The following PTPRD variants were observed in gnomAD, a reference collection of about 807,000 sequenced individuals.
PTPRD encodes the protein protein tyrosine phosphatase receptor type D, also known as receptor-type tyrosine-protein phosphatase delta.
A neutral mutation model predicts 214.5 loss-of-function variants in PTPRD; 34 were observed. The observed-to-expected ratio is 0.16, with a 90% CI of 0.12 to 0.21. The LOEUF (loss-of-function observed/expected upper bound fraction) is 0.21. Among genes scored for constraint, PTPRD ranks in the 10% least tolerant of loss-of-function variants. The pLI is 1.00. For synonymous variants in PTPRD, 1,128 were observed against 845.7 expected (o/e 1.33, Z -5.79); for missense variants, 2,545 against 2,398.7 (o/e 1.06, Z -1.27).
At chr9:8,350,786 TG>T (rs2075237350) in intron 39 of PTPRD, among the ~76,000 whole-genome samples, 2 of 152,076 alleles carry the variant, frequency 1.3e-5, no homozygotes, top group Non-Finnish European at 1.5e-5. Flanking sequence ...AAAATTAAAA[TG>T]AAAAAAAATT....
intron 7 of PTPRD, among the ~76,000 whole-genome samples, chr9:9,709,599 C>T (rs1057253798): frequency 3.9e-5 from 6 of 152,032 alleles, no homozygotes; most frequent in Admixed American, 2.6e-4. Context: ...AACCTTGCAT[C>T]TGCTTTATTA....
Position 8,331,626 on chromosome 9 carries a change from T to C in PTPRD, c.5490A>G (p.Thr1830=), listed in dbSNP as rs376400921. ...FIDFIGQVHK[T]KEQFGQDGPI... is the part of the protein sequence containing the mutation. ...GTCCATCTTGGCCAAACTGTTCTTT[T>C]GTTTTATGGACTTGGCCGATGAAGT... The change falls in exon 44 of 46, where the codon ACA becomes ACG. Residue 1830 remains threonine (T), a synonymous_variant. Coordinates refer to ENST00000381196, the MANE Select transcript of PTPRD (RefSeq NM_002839.4). The C allele has an allele frequency of 3.2e-5, 52 of 1,611,344 alleles. No homozygotes were observed. Among genetic ancestry groups the C allele is most frequent in the Non-Finnish European group, 4.3e-5 (51 of 1,179,378 alleles).
chr9:10,505,701 C>T (rs892043527), intron 2 of PTPRD, among the ~76,000 whole-genome samples: 2 of 149,504 alleles, frequency 1.3e-5, no homozygotes, highest in Middle Eastern at 3.2e-3. Flanking sequence ...AAAAAAAAAA[C>T]TGCAGATTAA....
At chr9:9,410,169 C>A (rs955966348) in intron 8 of PTPRD, among the ~76,000 whole-genome samples, 2 of 152,072 alleles carry the variant, frequency 1.3e-5, no homozygotes, top group African/African-American at 4.8e-5. Context: ...GCCTTCCTGA[C>A]CAGAGGTTAC....
chr9:8,930,799 G>C (rs2098947323), intron 11 of PTPRD, among the ~76,000 whole-genome samples: 1 of 152,070 alleles, frequency 6.6e-6, no homozygotes, highest in Admixed American at 6.6e-5. Context: ...CCCACTTTTT[G>C]ATGGGGTTGT....
chr9:9,102,894 A>G (rs2099793258), intron 10 of PTPRD, among the ~76,000 whole-genome samples: 1 of 152,250 alleles, frequency 6.6e-6, no homozygotes, highest in Admixed American at 6.5e-5. Context: ...AGAATGAATT[A>G]ACGCTATAAT....
At chr9:10,359,007 G>C (rs190364381) in intron 2 of PTPRD, among the ~76,000 whole-genome samples, 154 of 151,942 alleles carry the variant, frequency 1.0e-3, no homozygotes, top group African/African-American at 3.5e-3. Context: ...AATGTGACTG[G>C]CTAAGTTGTT....
intron 14 of PTPRD, among the ~76,000 whole-genome samples, chr9:8,568,231 CA>C (rs781366679): frequency 1.6e-4 from 25 of 152,106 alleles, no homozygotes; most frequent in Non-Finnish European, 2.9e-4. Flanking sequence ...TACCATTTAT[CA>C]AAACCTTAGG....
chr9:8,790,340 T>A (rs57083467), intron 11 of PTPRD, among the ~76,000 whole-genome samples: 20,206 of 151,918 alleles, frequency 0.13, 1,579 homozygotes, highest in East Asian at 0.35. Flanking sequence ...ATAAATAAAT[T>A]TATTATTTAT....
chr9:8,581,713 C>T (rs1428009854), intron 14 of PTPRD, among the ~76,000 whole-genome samples: 1 of 151,350 alleles, frequency 6.6e-6, no homozygotes, highest in Non-Finnish European at 1.5e-5. Flanking sequence ...CGCTACTGCA[C>T]TCTAGCCCGG....
At chr9:10,602,644 G>A (rs374937443) in intron 2 of PTPRD, among the ~76,000 whole-genome samples, 5 of 151,924 alleles carry the variant, frequency 3.3e-5, no homozygotes, top group Non-Finnish European at 5.9e-5. Context: ...ACGCAGTGGT[G>A]TAAATAAGAG....
chr9:8,721,180 A>C (rs2098491728), intron 12 of PTPRD, among the ~76,000 whole-genome samples: 1 of 151,986 alleles, frequency 6.6e-6, no homozygotes, highest in Non-Finnish European at 1.5e-5. Flanking sequence ...TGTTATCCCA[A>C]CACTTTGGGA....
chr9:9,151,894 G>A (rs575771489), intron 10 of PTPRD, among the ~76,000 whole-genome samples: 1 of 152,298 alleles, frequency 6.6e-6, no homozygotes, highest in South Asian at 2.1e-4. Flanking sequence ...AGGAGGGTCT[G>A]TCATTTCTAA....
chr9:9,102,051 A>C (rs1181359125), intron 10 of PTPRD, among the ~76,000 whole-genome samples: 1 of 152,170 alleles, frequency 6.6e-6, no homozygotes, highest in Non-Finnish European at 1.5e-5. Flanking sequence ...TCAAGATAAG[A>C]ATATAACCAG....
chr9:9,679,336 A>C (rs2097013309), intron 7 of PTPRD, among the ~76,000 whole-genome samples: 1 of 151,922 alleles, frequency 6.6e-6, no homozygotes, highest in South Asian at 2.1e-4. Flanking sequence ...CAAATAAATT[A>C]ATACATATGA....
intron 8 of PTPRD, among the ~76,000 whole-genome samples, chr9:9,418,036 A>C (rs1220123390): frequency 1.3e-5 from 2 of 152,044 alleles, no homozygotes; most frequent in African/African-American, 4.8e-5. Flanking sequence ...CGTTTTCTCT[A>C]TGAAATGTTC....
At chr9:9,968,617 AG>A (rs1205619034) in intron 4 of PTPRD, among the ~76,000 whole-genome samples, 1 of 152,120 alleles carries the variant, frequency 6.6e-6, no homozygotes, top group African/African-American at 2.4e-5. Context: ...TGAGAATGGA[AG>A]GGAAGGGTAG....
chr9:8,758,150 T>C (rs1384885449), intron 11 of PTPRD, among the ~76,000 whole-genome samples: 1 of 152,206 alleles, frequency 6.6e-6, no homozygotes, highest in Non-Finnish European at 1.5e-5. Flanking sequence ...GGAAGGATTT[T>C]GAGGAAACAA....
intron 3 of PTPRD, among the ~76,000 whole-genome samples, chr9:10,067,336 G>A (rs993972917): frequency 1.5e-4 from 23 of 151,814 alleles, no homozygotes; most frequent in Admixed American, 2.6e-4. Context: ...ATAATGGCAC[G>A]TGTTTCCAAA....
Sources: allele counts gnomAD v4.1 joint callset (sites outside exome capture counted in the v4.1 genomes callset), GRCh38; gene constraint gnomAD v4.1.1; transcripts MANE v1.5; gene names NCBI Gene and HGNC (gene_info 2026-07-23, HGNC 2026-07-21).